Variants in LRRTM4 observed in about 807,000 individuals in gnomAD.
LRRTM4 encodes the protein leucine rich repeat transmembrane neuronal 4, also known as leucine-rich repeat transmembrane neuronal protein 4.
A neutral mutation model predicts 47.6 loss-of-function variants in LRRTM4; 25 were observed. That is an observed-to-expected ratio of 0.53 (90% confidence interval 0.38 to 0.73). The LOEUF is 0.73. Ranked by LOEUF, LRRTM4 falls within the 30% of genes least tolerant of loss-of-function variation. The pLI is 0.00. For synonymous variants in LRRTM4, 311 were observed against 269.5 expected, an observed-to-expected ratio of 1.15 and a Z score of -1.51; for missense variants, 638 against 713.4, an observed-to-expected ratio of 0.89 and a Z score of 1.20.
chr2:76,902,467 C>T lies in LRRTM4; in HGVS notation c.1552-153551G>A, dbSNP rs145267947. 3.8e-3 allele frequency among the ~76,000 whole-genome samples: 575 copies of T among 152,182 alleles called. 1 individual carries two copies. The highest frequency in any genetic ancestry group is 0.013 in the African/African-American group (550 of 41,524). On this transcript the variant is annotated intron_variant, in intron 3 of 3. Transcript: ENST00000409884. ...TGTGTGTCAGGCCACCTTACCATGACCAGAGATTCCTGAGGAAAAGAACGT... is the reference window on the plus strand; with the variant it reads ...TGTGTGTCAGGCCACCTTACCATGATCAGAGATTCCTGAGGAAAAGAACGT...
At chr2:76,782,097 C>T (rs925593516) in intron 3 of LRRTM4, among the ~76,000 whole-genome samples, 1 of 152,144 alleles carries the variant, frequency 6.6e-6, no homozygotes. Flanking sequence ...ATATTAGAGT[C>T]CATATGTATG....
At chr2:77,059,552 G>T (rs1195016414) in intron 3 of LRRTM4, among the ~76,000 whole-genome samples, 2 of 152,108 alleles carry the variant, frequency 1.3e-5, no homozygotes, top group African/African-American at 4.8e-5. Flanking sequence ...AATTTGTTTA[G>T]AATCAAGTCA....
intron 3 of LRRTM4, among the ~76,000 whole-genome samples, chr2:77,132,551 G>T (rs867194288): frequency 6.6e-6 from 1 of 152,120 alleles, no homozygotes; most frequent in African/African-American, 2.4e-5. Context: ...AAGCTAGCAG[G>T]TTCAGTGTTT....
chr2:76,907,866 A>T (rs2103768235), intron 3 of LRRTM4, among the ~76,000 whole-genome samples: 1 of 141,412 alleles, frequency 7.1e-6, no homozygotes, highest in African/African-American at 2.8e-5. Context: ...TTACCAACCG[A>T]AAAGAGTCCA....
At chr2:77,365,431 G>A (rs564198255) in intron 3 of LRRTM4, among the ~76,000 whole-genome samples, 6 of 151,910 alleles carry the variant, frequency 3.9e-5, no homozygotes, top group Non-Finnish European at 8.8e-5. Context: ...ATCAAGCAAC[G>A]TGAAAAGCTC....
chr2:77,005,114 T>TG (rs1677588830), intron 3 of LRRTM4, among the ~76,000 whole-genome samples: 2 of 152,132 alleles, frequency 1.3e-5, no homozygotes, highest in Non-Finnish European at 2.9e-5. Flanking sequence ...GTTAAGACTT[T>TG]GGGGGACTGT....
intron 3 of LRRTM4, among the ~76,000 whole-genome samples, chr2:76,880,333 G>A (rs1359619123): frequency 6.6e-6 from 1 of 152,144 alleles, no homozygotes; most frequent in African/African-American, 2.4e-5. Flanking sequence ...TTAGTCAGCA[G>A]CCATGGACAT....
At chr2:77,326,606 G>A (rs1309268277) in intron 3 of LRRTM4, among the ~76,000 whole-genome samples, 1 of 152,012 alleles carries the variant, frequency 6.6e-6, no homozygotes, top group East Asian at 1.9e-4. Flanking sequence ...ATTTTGCCCA[G>A]GCTGGCCTTG....
intron 3 of LRRTM4, among the ~76,000 whole-genome samples, chr2:77,427,099 C>G (rs939749104): frequency 2.0e-5 from 3 of 151,908 alleles, no homozygotes; most frequent in Non-Finnish European, 4.4e-5. Context: ...CTGCCCCAGC[C>G]TCCAGAGTAG....
intron 3 of LRRTM4, among the ~76,000 whole-genome samples, chr2:77,500,073 G>A (rs182292144): frequency 4.0e-5 from 6 of 151,794 alleles, no homozygotes; most frequent in African/African-American, 1.2e-4. Context: ...TCTTAATTGA[G>A]TATAGCTGCC....
chr2:77,236,623 A>G (rs894359570), intron 3 of LRRTM4, among the ~76,000 whole-genome samples: 2 of 152,016 alleles, frequency 1.3e-5, no homozygotes, highest in Non-Finnish European at 2.9e-5. Context: ...GAATGCTTCC[A>G]TGTTTTGATC....
intron 3 of LRRTM4, among the ~76,000 whole-genome samples, chr2:77,253,057 T>A (rs1675665496): frequency 6.6e-6 from 1 of 152,128 alleles, no homozygotes; most frequent in South Asian, 2.1e-4. Context: ...ACCAATGTTT[T>A]CCCAAGTGTC....
chr2:77,041,571 TTTA>T (rs1167794174), intron 3 of LRRTM4, among the ~76,000 whole-genome samples: 1 of 151,438 alleles, frequency 6.6e-6, no homozygotes, highest in Non-Finnish European at 1.5e-5. Flanking sequence ...CTCATGAACA[TTTA>T]TTATTTTTCG....
At chr2:76,859,018 G>A (rs1180509977) in intron 3 of LRRTM4, among the ~76,000 whole-genome samples, 5 of 152,138 alleles carry the variant, frequency 3.3e-5, no homozygotes, top group Admixed American at 2.0e-4. Flanking sequence ...ACACTGTGGG[G>A]CTTCTTCAAT....
At chr2:76,860,494 T>C (rs1213734584) in intron 3 of LRRTM4, among the ~76,000 whole-genome samples, 1 of 152,094 alleles carries the variant, frequency 6.6e-6, no homozygotes, top group African/African-American at 2.4e-5. Flanking sequence ...ACTATGATAT[T>C]CCACCCCTTG....
intron 3 of LRRTM4, among the ~76,000 whole-genome samples, chr2:77,130,944 C>T (rs1002604097): frequency 3.8e-5 from 5 of 132,500 alleles, no homozygotes; most frequent in African/African-American, 1.4e-4. Flanking sequence ...ACGCCATTCT[C>T]CTGCCTCAGC....
chr2:77,480,822 G>GTGGAGAGAGAGA (rs1222517611), intron 3 of LRRTM4, among the ~76,000 whole-genome samples: 11 of 74,520 alleles, frequency 1.5e-4, no homozygotes, highest in African/African-American at 4.3e-4. Flanking sequence ...GTGTGTGTGT[G>GTGGAGAGAGAGA]GAGAGAGAGA....
chr2:76,791,671 A>G (rs1432766616), intron 3 of LRRTM4, among the ~76,000 whole-genome samples: 3 of 152,218 alleles, frequency 2.0e-5, no homozygotes, highest in Non-Finnish European at 4.4e-5. Flanking sequence ...AGACAATTTC[A>G]GTACTTATTA....
At chr2:76,909,681 G>A (rs369408569) in intron 3 of LRRTM4, among the ~76,000 whole-genome samples, 4,789 of 151,968 alleles carry the variant, frequency 0.032, 146 homozygotes, top group East Asian at 0.085. Context: ...AAAAGTGGGC[G>A]AAGGACATGA....
Sources: gnomAD v4.1 joint callset for allele counts (sites outside exome capture counted in the v4.1 genomes callset) on GRCh38, gnomAD v4.1.1 for gene constraint, MANE v1.5 for transcripts, NCBI Gene and HGNC (gene_info 2026-07-23, HGNC 2026-07-21) for gene names.